The following ORC3 variants were observed in gnomAD, a reference collection of about 807,000 sequenced individuals.
ORC3 encodes origin recognition complex subunit 3, also known as homolog of latheo, Drosophila.
In ORC3, 78 loss-of-function variants were observed where a neutral mutation model predicts 100.7. That is an observed-to-expected ratio of 0.77 (90% CI 0.65 to 0.94). The LOEUF (loss-of-function observed/expected upper bound fraction) is 0.94, where lower values mean the gene tolerates loss of function less well. Ranked by LOEUF, ORC3 falls within the 40% of genes least tolerant of loss-of-function variation. ORC3 has a pLI of 0.00. For synonymous variants in ORC3, 295 were observed against 289.3 expected (o/e 1.02, Z -0.20); for missense variants, 789 against 823.9 (o/e 0.96, Z 0.52).
At chr6:87,647,443 T>A (rs1361159418) in intron 13 of ORC3, among the ~76,000 whole-genome samples, 1 of 152,224 alleles carries the variant, frequency 6.6e-6, no homozygotes, top group Non-Finnish European at 1.5e-5. Context: ...ATGTACTTGA[T>A]CAAATGTCAT....
chr6:87,658,089 G>C (rs1769863887), intron 16 of ORC3, 71 bp downstream of exon 16: 1 of 773,394 alleles, frequency 1.3e-6, no homozygotes, highest in African/African-American at 1.7e-5. Flanking sequence ...TGTCATAGCT[G>C]TCTATAGCCA....
intron 3 of ORC3, 110 bp from the exon 4 acceptor site, chr6:87,603,274 T>C (rs1285579609): frequency 3.5e-6 from 2 of 567,104 alleles, no homozygotes; most frequent in African/African-American, 3.7e-5. Context: ...ATTAGGTTCA[T>C]CTTTTGATCA....
rs1770473634 is a variant in ORC3, at chr6:87,664,827, A to G, written c.1918A>G (p.Ser640Gly). ...CIAYKLHLEC[S>G]RLINLVDWSE... ...AGCATACAAACTGCACCTAGAGTGT[A>G]GCAGGCTCATCAACCTCGTGGACTG... The change falls in exon 18 of 20, where the codon AGC becomes GGC. Residue 640 changes from serine to glycine, a missense_variant. Physicochemically the swap from Ser to Gly is moderately conservative, Grantham distance 56. Transcript: ENST00000392844. 1.2e-6 allele frequency: 2 copies of G among 1,613,738 alleles called. No homozygotes were observed. Among genetic ancestry groups the G allele is most frequent in the African/African-American group, 2.7e-5 (2 of 74,942 alleles).
At chr6:87,636,157 C>T (rs530261727) in intron 12 of ORC3, among the ~76,000 whole-genome samples, 15 of 152,210 alleles carry the variant, frequency 9.9e-5, no homozygotes, top group African/African-American at 3.6e-4. Flanking sequence ...TGGTCTCGAT[C>T]TTCTGACCTC....
chr6:87,599,376 T>TATTC (rs1777713593), intron 2 of ORC3, among the ~76,000 whole-genome samples: 1 of 151,436 alleles, frequency 6.6e-6, no homozygotes, highest in Non-Finnish European at 1.5e-5. Flanking sequence ...TTTATTTATT[T>TATTC]ATTTATTTTG....
the ORC3 span, among the ~76,000 whole-genome samples, chr6:87,674,084 T>TGAGG: frequency 4.6e-5 from 7 of 152,000 alleles, no homozygotes; most frequent in Non-Finnish European, 1.0e-4. Flanking sequence ...GCAGATCACC[T>TGAGG]GAGGTCAGGA....
chr6:87,663,658 C>G (rs1474940985), intron 17 of ORC3, among the ~76,000 whole-genome samples: 2 of 152,238 alleles, frequency 1.3e-5, no homozygotes, highest in Non-Finnish European at 2.9e-5. Context: ...ACTAAAACTC[C>G]TGGGGCAGCA....
rs181646748 is a variant in ORC3 at position 87,639,478 on chromosome 6, C to T, written c.1382+2992C>T. On this transcript the variant is annotated intron_variant, in intron 13 of 19. Coordinates refer to ENST00000392844, the MANE Select transcript of ORC3 (RefSeq NM_012381.4). Reference sequence around the variant, plus strand: ...CAGCACAAAGTTGCATTCCTCCCCCCAATTTATTCTAATTTATTAATTTAG... The same window carrying T: ...CAGCACAAAGTTGCATTCCTCCCCCTAATTTATTCTAATTTATTAATTTAG... Among the ~76,000 whole-genome samples, 682 of 152,268 alleles carry T rather than the reference C, an allele frequency of 4.5e-3. 4 individuals are homozygous for T. Among genetic ancestry groups the T allele is most frequent in the African/African-American group, 0.015 (641 of 41,554 alleles).
At chr6:87,668,021 TC>T (rs1770753425), downstream of ORC3, among the ~76,000 whole-genome samples, 1 of 151,972 alleles carries the variant, frequency 6.6e-6, no homozygotes, top group African/African-American at 2.4e-5. Context: ...CCTCTACAAA[TC>T]ACATCCCAAA....
At chr6:87,673,652 C>G in the ORC3 span, among the ~76,000 whole-genome samples, 1 of 152,026 alleles carries the variant, frequency 6.6e-6, no homozygotes, top group East Asian at 1.9e-4. Flanking sequence ...ACCATCCTGG[C>G]CAACATGGTG....
chr6:87,631,553 C>T (rs1284465374), intron 11 of ORC3, among the ~76,000 whole-genome samples: 5 of 152,196 alleles, frequency 3.3e-5, no homozygotes, highest in East Asian at 2.0e-4. Context: ...ACTGCAACAG[C>T]GCGATCTTGG....
At chr6:87,602,316 G>T (rs1050718077) in intron 3 of ORC3, among the ~76,000 whole-genome samples, 15 of 152,164 alleles carry the variant, frequency 9.9e-5, no homozygotes, top group Admixed American at 3.9e-4. Flanking sequence ...CTTTCAAATG[G>T]TGACGCTCTT....
At chr6:87,602,896 A>G (rs1778012978) in intron 3 of ORC3, among the ~76,000 whole-genome samples, 1 of 92,350 alleles carries the variant, frequency 1.1e-5, no homozygotes, top group Non-Finnish European at 2.0e-5. Context: ...GTCATATATC[A>G]TATATATATT....
downstream of ORC3, among the ~76,000 whole-genome samples, chr6:87,671,373 A>G (rs151032550): frequency 1.5e-3 from 236 of 152,284 alleles, 1 homozygote; most frequent in African/African-American, 5.6e-3. Flanking sequence ...TTCTGCCTAG[A>G]AACAAAGAAT....
chr6:87,597,270 T>C (rs1362813935), intron 2 of ORC3, among the ~76,000 whole-genome samples: 3 of 152,162 alleles, frequency 2.0e-5, no homozygotes, highest in African/African-American at 7.2e-5. Context: ...TTTGGCTGTG[T>C]TTTGACTGCG....
chr6:87,609,713 G>C (rs7765544), intron 7 of ORC3, among the ~76,000 whole-genome samples: 4 of 151,778 alleles, frequency 2.6e-5, no homozygotes, highest in African/African-American at 9.7e-5. Flanking sequence ...CACCACACCT[G>C]GCTAATTTTT....
intron 11 of ORC3, among the ~76,000 whole-genome samples, chr6:87,630,093 T>C (rs1767274079): frequency 6.6e-6 from 1 of 152,182 alleles, no homozygotes; most frequent in African/African-American, 2.4e-5. Context: ...TCAGGAAATC[T>C]AGACCACATC....
rs184035287 is a variant in ORC3 at position 87,650,203 on chromosome 6, G to A, written c.1383-2913G>A. 4.0e-3 allele frequency among the ~76,000 whole-genome samples: 613 copies of A among 151,758 alleles called. 6 individuals carry two copies. The highest frequency in any genetic ancestry group is 6.3e-3 in the Non-Finnish European group (426 of 67,938). ...TCAGTAGCTGGGACTACAAGTGTGC[G>A]CCACCAGGCTGAGCTAATTTTTTCT... On this transcript the variant is annotated intron_variant, in intron 13 of 19. Coordinates refer to ENST00000392844, the MANE Select transcript of ORC3 (RefSeq NM_012381.4).
At chr6:87,636,786 C>G (rs911083403) in intron 13 of ORC3, among the ~76,000 whole-genome samples, 4 of 152,264 alleles carry the variant, frequency 2.6e-5, no homozygotes, top group Non-Finnish European at 4.4e-5. Flanking sequence ...TCATTTGAAT[C>G]CAGCCAACTT....
Sources: gnomAD v4.1 joint callset for allele counts (sites outside exome capture counted in the v4.1 genomes callset) on GRCh38, gnomAD v4.1.1 for gene constraint, MANE v1.5 for transcripts, NCBI Gene and HGNC (gene_info 2026-07-23, HGNC 2026-07-21) for gene names.